ASIC2: variants seen among roughly 807,000 people sequenced by gnomAD.
The protein encoded by ASIC2 is acid sensing ion channel subunit 2.
A neutral mutation model predicts 57.3 loss-of-function variants in ASIC2; 25 were observed. The ratio of observed to expected loss-of-function variants is 0.44; its 90% CI spans 0.32 to 0.61. The LOEUF is 0.61. ASIC2 is among the 20% of genes least tolerant of loss of function. The probability of loss-of-function intolerance (pLI) is 0.06; values close to 1 mark genes in which losing one functional copy is unlikely to be tolerated. For synonymous variants in ASIC2, 319 were observed against 307.5 expected, an observed-to-expected ratio of 1.04 and a Z score of -0.39; for missense variants, 641 against 738.1, an observed-to-expected ratio of 0.87 and a Z score of 1.52.
At chr17:33,070,282 A>T (rs2092063089) in intron 3 of ASIC2, among the ~76,000 whole-genome samples, 2 of 152,160 alleles carry the variant, frequency 1.3e-5, no homozygotes, top group African/African-American at 4.8e-5. Context: ...TAACAAGGAA[A>T]ATATATTTAC....
intron 1 of ASIC2, among the ~76,000 whole-genome samples, chr17:33,418,769 G>A (rs1910946105): frequency 6.6e-6 from 1 of 152,158 alleles, no homozygotes; most frequent in Non-Finnish European, 1.5e-5. Context: ...GATTACTGTA[G>A]CCATAAAAAA....
chr17:34,018,918 T>G (rs986024899), intron 1 of ASIC2, among the ~76,000 whole-genome samples: 5 of 152,112 alleles, frequency 3.3e-5, no homozygotes, highest in African/African-American at 7.2e-5. Flanking sequence ...TTGTTTGTTT[T>G]TTTTTTTGAG....
rs533841808 is a variant in ASIC2 at position 34,039,906 on chromosome 17, C to A, written c.555+116072G>T. On this transcript the variant is annotated intron_variant, in intron 1 of 9. Transcript: ENST00000359872. ...CCGCCGCCGCCGCTGCCGCTCCACG[C>A]TCCTCCCTGGAGGGACCCCGACCCG... 5.2e-5 allele frequency: 81 copies of A among 1,564,808 alleles called. 2 individuals carry two copies. The Admixed American group carries it at 8.4e-4, about 16-fold the overall frequency.
intron 1 of ASIC2, among the ~76,000 whole-genome samples, chr17:33,674,713 G>A (rs991755356): frequency 4.6e-5 from 7 of 152,312 alleles, no homozygotes; most frequent in African/African-American, 1.7e-4. Flanking sequence ...ACAAATCCAT[G>A]CCGCTCGTTC....
chr17:33,806,685 G>A (rs886397755), intron 1 of ASIC2, among the ~76,000 whole-genome samples: 4 of 152,196 alleles, frequency 2.6e-5, no homozygotes, highest in African/African-American at 9.6e-5. Flanking sequence ...TTGCACTGAA[G>A]GCAGGGTTTT....
chr17:34,028,369 C>T (rs919899944), intron 1 of ASIC2, among the ~76,000 whole-genome samples: 2 of 152,172 alleles, frequency 1.3e-5, no homozygotes, highest in Admixed American at 6.5e-5. Context: ...CTTGGAGAGG[C>T]TGTGCTTTTA....
chr17:33,636,565 C>T (rs371717535), intron 1 of ASIC2, among the ~76,000 whole-genome samples: 14 of 152,200 alleles, frequency 9.2e-5, no homozygotes, highest in Non-Finnish European at 1.5e-4. Context: ...CATCTCCATA[C>T]GGCTGCCCTG....
chr17:33,880,849 C>T (rs987937963), intron 1 of ASIC2, among the ~76,000 whole-genome samples: 4 of 152,100 alleles, frequency 2.6e-5, no homozygotes, highest in African/African-American at 9.7e-5. Flanking sequence ...AACATCGATG[C>T]AAAAATCCTC....
chr17:33,072,947 CTG>C (rs1036028995), intron 3 of ASIC2, among the ~76,000 whole-genome samples: 2 of 152,236 alleles, frequency 1.3e-5, no homozygotes, highest in Admixed American at 6.5e-5. Context: ...AGGCGAGCCT[CTG>C]TGCTGCCTGG....
chr17:33,616,588 A>G (rs757269393), intron 1 of ASIC2, among the ~76,000 whole-genome samples: 7 of 152,146 alleles, frequency 4.6e-5, no homozygotes, highest in Non-Finnish European at 1.0e-4. Context: ...CATTCTCTTC[A>G]TCTCACTGTA....
intron 1 of ASIC2, among the ~76,000 whole-genome samples, chr17:33,811,803 C>A (rs1009248801): frequency 6.6e-6 from 1 of 152,202 alleles, no homozygotes. Context: ...GGAACTCAAA[C>A]CCAGACCACA....
chr17:33,032,440 G>GTTTTTTTTTTTTTTT lies in ASIC2; in HGVS notation c.988-4063_988-4049dup, dbSNP rs60183644. ...TCTGTTATAAGCACTATAATACACT[G>GTTTTTTTTTTTTTTT]TTTTTTTTTTTTTTTTTTTTTTTTT... On this transcript the variant is annotated intron_variant, in intron 3 of 9. Coordinates refer to ENST00000225823, the MANE Select transcript of ASIC2 (RefSeq NM_183377.2). Among the ~76,000 whole-genome samples the GTTTTTTTTTTTTTTT allele has an allele frequency of 1.4e-4, 13 of 94,116 alleles. 3 individuals are homozygous for GTTTTTTTTTTTTTTT. Among genetic ancestry groups the GTTTTTTTTTTTTTTT allele is most frequent in the Admixed American group, 2.2e-4 (2 of 9,242 alleles). The allele number at this position is 94,116 out of a possible 152,430, so 61.7% of individuals were successfully genotyped here. A position where few individuals can be genotyped will look rare whatever the true frequency, so the allele number is the denominator to read the frequency against.
At chr17:33,470,248 T>G (rs989171576) in intron 1 of ASIC2, among the ~76,000 whole-genome samples, 1 of 152,170 alleles carries the variant, frequency 6.6e-6, no homozygotes, top group Non-Finnish European at 1.5e-5. Context: ...GACAAGTCTC[T>G]AAACTAATGC....
At chr17:33,548,207 A>G (rs1441284807) in intron 1 of ASIC2, among the ~76,000 whole-genome samples, 1 of 152,240 alleles carries the variant, frequency 6.6e-6, no homozygotes, top group African/African-American at 2.4e-5. Context: ...TAAGCAGCAC[A>G]TCAAGGAAAA....
intron 1 of ASIC2, among the ~76,000 whole-genome samples, chr17:33,211,763 G>C (rs1365188968): frequency 6.6e-6 from 1 of 152,186 alleles, no homozygotes; most frequent in East Asian, 1.9e-4. Context: ...GTCCTGATCT[G>C]TTTGCACAAT....
chr17:33,454,934 G>T (rs1033264753), intron 1 of ASIC2, among the ~76,000 whole-genome samples: 1 of 152,158 alleles, frequency 6.6e-6, no homozygotes, highest in African/African-American at 2.4e-5. Flanking sequence ...TTCCTTAAAG[G>T]TCTCACCTTC....
intron 1 of ASIC2, among the ~76,000 whole-genome samples, chr17:33,574,920 G>C (rs529348838): frequency 3.8e-4 from 57 of 150,738 alleles, no homozygotes; most frequent in Non-Finnish European, 6.5e-4. Context: ...TGAGGAAAAT[G>C]AATCTGGTAA....
chr17:33,425,382 T>G (rs1413004445), intron 1 of ASIC2, among the ~76,000 whole-genome samples: 1 of 152,236 alleles, frequency 6.6e-6, no homozygotes, highest in East Asian at 1.9e-4. Context: ...GCATATAGTC[T>G]CTGTAGAGTA....
chr17:33,780,899 G>A (rs753401029), intron 1 of ASIC2, among the ~76,000 whole-genome samples: 5 of 152,152 alleles, frequency 3.3e-5, no homozygotes, highest in African/African-American at 7.2e-5. Context: ...TATGACCCAG[G>A]CCAAGTTGTT....
Sources: gnomAD v4.1 joint callset for allele counts (sites outside exome capture counted in the v4.1 genomes callset) on GRCh38, gnomAD v4.1.1 for gene constraint, MANE v1.5 for transcripts, NCBI Gene and HGNC (gene_info 2026-07-23, HGNC 2026-07-21) for gene names.